Variants in SEMA3C observed in about 807,000 individuals in gnomAD.
The protein encoded by SEMA3C is semaphorin-3C.
SEMA3C carries 47 observed loss-of-function variants against 89.4 expected under a neutral mutation model. The ratio of observed to expected loss-of-function variants is 0.53; its 90% CI spans 0.42 to 0.67. The LOEUF is 0.67. SEMA3C is among the 30% of genes least tolerant of loss of function. The pLI, the probability that SEMA3C is intolerant of heterozygous loss-of-function variation, is 0.00. For synonymous variants in SEMA3C, 310 were observed against 320.2 expected, an observed-to-expected ratio of 0.97 and a Z score of 0.34; for missense variants, 839 against 929.1, an observed-to-expected ratio of 0.90 and a Z score of 1.26.
At chr7:80,885,748 A>C (rs1791459918) in intron 2 of SEMA3C, among the ~76,000 whole-genome samples, 1 of 130,800 alleles carries the variant, frequency 7.6e-6, no homozygotes, top group Admixed American at 7.3e-5. Flanking sequence ...AAGTGATGTA[A>C]ATTTATATTT....
At chr7:80,901,488 C>T (rs1791879138) in intron 2 of SEMA3C, among the ~76,000 whole-genome samples, 1 of 152,226 alleles carries the variant, frequency 6.6e-6, no homozygotes, top group Non-Finnish European at 1.5e-5. Context: ...TCTTACTTGT[C>T]AGTTACTTCA....
upstream of SEMA3C, chr7:80,922,211 C>T (rs533589427): frequency 8.0e-4 from 1,010 of 1,265,478 alleles, 3 homozygotes; most frequent in Non-Finnish European, 8.3e-4. Flanking sequence ...GAAACTCAAG[C>T]GTGATTGCCG....
At chr7:80,834,620 G>T (rs887109088) in intron 2 of SEMA3C, among the ~76,000 whole-genome samples, 1 of 152,078 alleles carries the variant, frequency 6.6e-6, no homozygotes, top group Non-Finnish European at 1.5e-5. Context: ...AGTTAACTAA[G>T]TCACGAAGAA....
chr7:80,884,917 G>C (rs570081797), intron 2 of SEMA3C, among the ~76,000 whole-genome samples: 1 of 152,082 alleles, frequency 6.6e-6, no homozygotes, highest in Non-Finnish European at 1.5e-5. Context: ...GGCCAGTACC[G>C]GCATTTTAAA....
At chr7:80,871,140 GTATT>G (rs1242350458) in intron 2 of SEMA3C, among the ~76,000 whole-genome samples, 2 of 152,202 alleles carry the variant, frequency 1.3e-5, no homozygotes, top group Non-Finnish European at 2.9e-5. Context: ...TAGCACATAT[GTATT>G]TATAGTTGTA....
chr7:80,883,223 C>A (rs1791394772), intron 2 of SEMA3C, among the ~76,000 whole-genome samples: 1 of 152,092 alleles, frequency 6.6e-6, no homozygotes, highest in Admixed American at 6.6e-5. Flanking sequence ...TATACCAAAT[C>A]AACAGCCTCC....
chr7:80,769,478 T>TTTC (rs1458442429), intron 12 of SEMA3C, among the ~76,000 whole-genome samples: 12 of 152,326 alleles, frequency 7.9e-5, no homozygotes, highest in African/African-American at 2.9e-4. Flanking sequence ...AAATCCCCAT[T>TTTC]TTCTGACAAG....
In SEMA3C at chr7:80,909,546, G is replaced by T. The variant is rs115109179; in HGVS notation, c.103+7133C>A. Among the ~76,000 whole-genome samples the T allele has an allele frequency of 4.7e-3, 708 of 152,230 alleles. 6 individuals carry two copies. The highest frequency in any genetic ancestry group is 0.016 in the African/African-American group (672 of 41,540). ...TCAAGAATCTTAAATGCTAGCAAGC[G>T]TTAAAGTTGAGTAAGGCAAGAATAT... On this transcript the variant is annotated intron_variant, in intron 2 of 17. Coordinates refer to ENST00000265361, the MANE Select transcript of SEMA3C (RefSeq NM_006379.5).
chr7:80,894,808 C>T (rs954138185), intron 2 of SEMA3C, among the ~76,000 whole-genome samples: 2 of 152,018 alleles, frequency 1.3e-5, no homozygotes, highest in African/African-American at 4.8e-5. Context: ...TCAATTCCTC[C>T]ATTTACTTCT....
At chr7:80,882,396 G>T (rs183032529) in intron 2 of SEMA3C, among the ~76,000 whole-genome samples, 10 of 138,498 alleles carry the variant, frequency 7.2e-5, no homozygotes, top group Non-Finnish European at 6.1e-5. Flanking sequence ...ATACATTCTG[G>T]AATTTGTAAG....
chr7:80,780,221 T>C lies in SEMA3C; in HGVS notation c.1354+9085A>G, dbSNP rs540478474. Among the ~76,000 whole-genome samples the C allele has an allele frequency of 1.1e-3, 175 of 152,332 alleles. 1 individual carries two copies. The highest frequency in any genetic ancestry group is 4.1e-3 in the African/African-American group (169 of 41,580). On this transcript the variant is annotated intron_variant, in intron 12 of 17. Transcript: ENST00000265361. ...CATGTGAAATAAATATTCATTGAAT[T>C]GGATTAAATTGTCTCCTCCATTGGG... is the stretch of plus-strand genomic sequence containing the variant.
intron 2 of SEMA3C, among the ~76,000 whole-genome samples, chr7:80,876,135 G>A (rs1791196656): frequency 6.6e-6 from 1 of 151,990 alleles, no homozygotes; most frequent in African/African-American, 2.4e-5. Flanking sequence ...GGGGGTCTTT[G>A]GAACACATCC....
intron 2 of SEMA3C, among the ~76,000 whole-genome samples, chr7:80,898,775 C>T (rs563895355): frequency 1.5e-4 from 22 of 151,118 alleles, no homozygotes; most frequent in African/African-American, 4.9e-4. Flanking sequence ...TAGTATTAGC[C>T]CACATTGTCT....
chr7:80,768,375 G>A (rs545503887), intron 12 of SEMA3C, among the ~76,000 whole-genome samples: 30 of 152,236 alleles, frequency 2.0e-4, no homozygotes, highest in Admixed American at 6.5e-4. Flanking sequence ...TTAGCCAGGC[G>A]TGCTGGCAGG....
chr7:80,921,395 A>G (rs35075315), upstream of SEMA3C, among the ~76,000 whole-genome samples: 48 of 152,178 alleles, frequency 3.2e-4, no homozygotes, highest in Non-Finnish European at 6.0e-4. Flanking sequence ...TGCTTGCCAG[A>G]GACTTAGGCC....
intron 6 of SEMA3C, among the ~76,000 whole-genome samples, 196 bp from the exon 7 acceptor site, chr7:80,805,954 T>C (rs767010527): frequency 6.6e-6 from 1 of 152,074 alleles, no homozygotes; most frequent in Admixed American, 6.5e-5. Context: ...ATTGCCTGAA[T>C]GATAATTACT....
At chr7:80,921,252 C>T (rs1792403647), upstream of SEMA3C, among the ~76,000 whole-genome samples, 1 of 152,152 alleles carries the variant, frequency 6.6e-6, no homozygotes, top group African/African-American at 2.4e-5. Context: ...AACCTCTTTT[C>T]AATGTGCTCC....
chr7:80,842,608 T>C (rs1380944549), intron 2 of SEMA3C, among the ~76,000 whole-genome samples: 2 of 152,222 alleles, frequency 1.3e-5, no homozygotes, highest in East Asian at 3.9e-4. Flanking sequence ...TAACAGCTCA[T>C]GGTCACCTTT....
intron 1 of SEMA3C, among the ~76,000 whole-genome samples, chr7:80,917,279 A>G (rs1358229362): frequency 6.6e-6 from 1 of 152,210 alleles, no homozygotes; most frequent in Admixed American, 6.5e-5. Context: ...TTCAATAGTC[A>G]TTAGCTCTTT....
Sources: allele counts gnomAD v4.1 joint callset (sites outside exome capture counted in the v4.1 genomes callset), GRCh38; gene constraint gnomAD v4.1.1; transcripts MANE v1.5; gene names NCBI Gene and HGNC (gene_info 2026-07-23, HGNC 2026-07-21).